The following BLTP3A variants were observed in gnomAD, a reference collection of about 807,000 sequenced individuals.
The protein encoded by BLTP3A is ICBP90 binding protein 1.
chr6:34,826,026 A>ATTCT, the BLTP3A span, among the ~76,000 whole-genome samples: 200 of 76,566 alleles, frequency 2.6e-3, 4 homozygotes, highest in African/African-American at 7.9e-3. Flanking sequence ...TACATTTTGC[A>ATTCT]TTTTTTTTTT....
At chr6:34,840,168 A>G in the BLTP3A span, among the ~76,000 whole-genome samples, 111 of 152,332 alleles carry the variant, frequency 7.3e-4, no homozygotes, top group African/African-American at 2.6e-3. Flanking sequence ...GTACTTTACA[A>G]TATGGTACCA....
chr6:34,858,942 T>TC, the BLTP3A span: 1 of 1,614,042 alleles, frequency 6.2e-7, no homozygotes, highest in Non-Finnish European at 8.5e-7. Flanking sequence ...TGACTGGGTC[T>TC]CCCCTGCAGA....
At chr6:34,860,230 G>A in the BLTP3A span, among the ~76,000 whole-genome samples, 1 of 152,100 alleles carries the variant, frequency 6.6e-6, no homozygotes, top group Non-Finnish European at 1.5e-5. Context: ...TCTTGTGAGC[G>A]CTTTCTGTGT....
chr6:34,806,894 A>G, the BLTP3A span, among the ~76,000 whole-genome samples: 1 of 152,158 alleles, frequency 6.6e-6, no homozygotes, highest in Non-Finnish European at 1.5e-5. Flanking sequence ...TCCTGACCTC[A>G]AGTGATCCAC....
the BLTP3A span, among the ~76,000 whole-genome samples, chr6:34,813,603 A>G: frequency 6.6e-6 from 1 of 152,240 alleles, no homozygotes; most frequent in Non-Finnish European, 1.5e-5. Flanking sequence ...AATAAATAGC[A>G]GGCTGCCATT....
At chr6:34,866,392 CTAT>C in the BLTP3A span, among the ~76,000 whole-genome samples, 1 of 150,948 alleles carries the variant, frequency 6.6e-6, no homozygotes, top group Non-Finnish European at 1.5e-5. Flanking sequence ...CAGAGCGAGA[CTAT>C]TCCATCTCAA....
At chr6:34,871,728 C>T in the BLTP3A span, 1 of 1,613,362 alleles carries the variant, frequency 6.2e-7, no homozygotes, top group Non-Finnish European at 8.5e-7. Context: ...GTTTCTCTGC[C>T]TTTTCTCCTA....
the BLTP3A span, among the ~76,000 whole-genome samples, chr6:34,803,525 C>T: frequency 4.6e-5 from 7 of 152,084 alleles, no homozygotes; most frequent in Non-Finnish European, 7.4e-5. Flanking sequence ...TATAAGATTT[C>T]AGCTAAGTCA....
chr6:34,870,895 A>G, the BLTP3A span: 252 of 1,614,116 alleles, frequency 1.6e-4, no homozygotes, highest in African/African-American at 2.7e-4. Flanking sequence ...GACTGGCCAC[A>G]TCAGGCCAGC....
At chr6:34,871,643 G>A in the BLTP3A span, 1 of 1,614,014 alleles carries the variant, frequency 6.2e-7, no homozygotes, top group African/African-American at 1.3e-5. Context: ...CTCTGGCCAT[G>A]GAACATGTTG....
chr6:34,801,753 G>A, the BLTP3A span, among the ~76,000 whole-genome samples: 3 of 151,742 alleles, frequency 2.0e-5, no homozygotes, highest in South Asian at 2.1e-4. Flanking sequence ...ACGGAGTCTC[G>A]CTCTGTCTCC....
At chr6:34,868,163 G>A in the BLTP3A span, among the ~76,000 whole-genome samples, 13 of 151,716 alleles carry the variant, frequency 8.6e-5, no homozygotes, top group Admixed American at 8.5e-4. Flanking sequence ...AAAATTAGCT[G>A]GGCGTGGTGG....
At chr6:34,794,346 T>TAGAA in the BLTP3A span, among the ~76,000 whole-genome samples, 8 of 151,636 alleles carry the variant, frequency 5.3e-5, no homozygotes, top group African/African-American at 1.5e-4. Context: ...AATTAAAAAT[T>TAGAA]AAAGGTTATT....
the BLTP3A span, chr6:34,822,001 G>A: frequency 6.2e-7 from 1 of 1,612,764 alleles, no homozygotes; most frequent in Non-Finnish European, 8.5e-7. Flanking sequence ...GGATGGCCAG[G>A]GTAGGCTTTT....
chr6:34,863,984 GT>G, the BLTP3A span: 1,822 of 1,295,316 alleles, frequency 1.4e-3, no homozygotes, highest in South Asian at 4.9e-3. Flanking sequence ...TGTGGTTTTT[GT>G]TTTTTTTTTT....
the BLTP3A span, among the ~76,000 whole-genome samples, chr6:34,862,666 C>T: frequency 2.5e-4 from 38 of 151,870 alleles, no homozygotes; most frequent in African/African-American, 9.2e-4. Flanking sequence ...AACCCTGTCT[C>T]TACTAAAAAT....
At chr6:34,855,693 C>A in the BLTP3A span, 1 of 1,613,678 alleles carries the variant, frequency 6.2e-7, no homozygotes, top group Non-Finnish European at 8.5e-7. Flanking sequence ...ATTACCCTTT[C>A]CATTGGGCAG....
chr6:34,863,856 G>A, the BLTP3A span: 2 of 724,392 alleles, frequency 2.8e-6, no homozygotes, highest in Non-Finnish European at 4.3e-6. Context: ...TTTACAGCCA[G>A]TAATAGGTAA....
At chr6:34,834,131 T>A in the BLTP3A span, 1 of 1,375,558 alleles carries the variant, frequency 7.3e-7, no homozygotes, top group South Asian at 1.3e-5. Context: ...TGTATTATCA[T>A]TATAAAATAA....
Sources: allele counts gnomAD v4.1 joint callset (sites outside exome capture counted in the v4.1 genomes callset), GRCh38; gene constraint gnomAD v4.1.1; transcripts MANE v1.5; gene names NCBI Gene and HGNC (gene_info 2026-07-23, HGNC 2026-07-21).